CADM4: variants seen among roughly 807,000 people sequenced by gnomAD.
CADM4 encodes cell adhesion molecule 4, also known as TSLC1-like 2.
A neutral mutation model predicts 43.9 loss-of-function variants in CADM4; 13 were observed. The observed-to-expected ratio is 0.30, with a 90% CI of 0.19 to 0.47. The LOEUF (loss-of-function observed/expected upper bound fraction) is 0.47. Among genes scored for constraint, CADM4 ranks in the 20% least tolerant of loss-of-function variants. The probability of loss-of-function intolerance (pLI) is 1.00; values close to 1 mark genes in which losing one functional copy is unlikely to be tolerated. For missense variants in CADM4, 420 were observed against 527.0 expected, an observed-to-expected ratio of 0.80 and a Z score of 1.99; for synonymous variants, 209 against 220.9, an observed-to-expected ratio of 0.95 and a Z score of 0.48.
intron 1 of CADM4, among the ~76,000 whole-genome samples, chr19:43,636,405 C>G (rs962234450): frequency 5.9e-5 from 9 of 152,120 alleles, no homozygotes; most frequent in African/African-American, 1.9e-4. Flanking sequence ...CCTCCACGCC[C>G]AGTGCCCTCT....
At position 43,626,228 on chromosome 19, in the gene CADM4, C is replaced by A. The variant is rs149413551; in HGVS notation, c.560G>T (p.Arg187Leu). Residue 187 changes from arginine (R) to leucine (L), a missense_variant, in exon 5 of 9, where the codon CGT becomes CTT. Coordinates refer to ENST00000222374, the MANE Select transcript of CADM4 (RefSeq NM_145296.2). The surrounding 1 kb of genome is among the most constrained non-coding windows in gnomAD (Gnocchi z 5.9). Reference sequence around the variant, plus strand: ...ACCACCGTCGTCCTTACGGTCCACACGAAACCGTACTGTGCTTGCCACGCT... The same window carrying A: ...ACCACCGTCGTCCTTACGGTCCACAAGAAACCGTACTGTGCTTGCCACGCT... ...VWSVASTVRFRVDRKDDGGII... is the reference protein window; with the variant it reads ...VWSVASTVRFLVDRKDDGGII... 2.5e-6 allele frequency: 4 copies of A among 1,613,506 alleles called. No individual in the cohort carries two copies. The highest frequency in any genetic ancestry group is 1.1e-5 in the South Asian group (1 of 91,074).
In CADM4 at chr19:43,626,405, G is replaced by A. The variant is rs1973529168; in HGVS notation, c.500-117C>T. 3.1e-6 allele frequency: 4 copies of A among 1,286,786 alleles called. No homozygotes were observed. Among genetic ancestry groups the A allele is most frequent in the African/African-American group, 1.5e-5 (1 of 68,552 alleles). The allele number at this position is 1,286,786 out of a possible 1,614,324, so 79.7% of individuals were successfully genotyped here. ...GCTCCACCCCTTACCCACAGGCCCCGCCTCTTGTCCTCCAAGCTACGCCCC... is the reference window on the plus strand; with the variant it reads ...GCTCCACCCCTTACCCACAGGCCCCACCTCTTGTCCTCCAAGCTACGCCCC... On this transcript the variant is annotated intron_variant, in intron 4 of 8. Transcript: ENST00000222374. This position sits in a 1 kb window ranked among gnomAD's most constrained non-coding sequence, Gnocchi z 5.9.
At chr19:43,628,191 C>T (rs532366430) in intron 1 of CADM4, among the ~76,000 whole-genome samples, 7 of 150,668 alleles carry the variant, frequency 4.6e-5, no homozygotes, top group Non-Finnish European at 7.4e-5. Context: ...TTTGAGAGGC[C>T]GAGGTGGGCG....
chr19:43,640,692 GCCTCTCTC>G (rs759207669), upstream of CADM4, among the ~76,000 whole-genome samples: 20 of 152,052 alleles, frequency 1.3e-4, no homozygotes, highest in Middle Eastern at 6.8e-3. Flanking sequence ...CCCTGCCCCA[GCCTCTCTC>G]CCTCTCTCTG....
In CADM4 at chr19:43,625,849, C is replaced by T; in HGVS notation, c.755+62G>A. The T allele has an allele frequency of 1.4e-6, 2 of 1,407,696 alleles. No homozygotes were observed. The highest frequency in any genetic ancestry group is 2.0e-6 in the Non-Finnish European group (2 of 996,668). 87.2% of individuals were successfully genotyped at this position (1,407,696 alleles called of 1,614,324 possible). A position where few individuals can be genotyped will look rare whatever the true frequency, so the allele number is the denominator to read the frequency against. ...GGACCCAGGAGTCCAAGTCCCTGGT[C>T]CCTGTTCTTCCAGGTCCCCAGCTTT... On this transcript the variant is annotated intron_variant, in intron 6 of 8. Coordinates refer to ENST00000222374, the MANE Select transcript of CADM4 (RefSeq NM_145296.2). The surrounding 1 kb of genome is among the most constrained non-coding windows in gnomAD (Gnocchi z 4.5).
chr19:43,626,878 C>G lies in CADM4; in HGVS notation c.405G>C (p.Ala135=). The G allele has an allele frequency of 6.2e-7, 1 of 1,608,564 alleles. No individual in the cohort carries two copies. The highest frequency in any genetic ancestry group is 8.5e-7 in the Non-Finnish European group (1 of 1,178,560). ...TGAGCTCCACCTCGCCGCCCTCTAC[C>G]GCCTGCTCCCGGACCTCCACCACAG... ...ENPVVEVREQ[A]VEGGEVELSC... Residue 135 remains alanine, a synonymous_variant, in exon 4 of 9, where the codon GCG becomes GCC. Coordinates refer to ENST00000222374, the MANE Select transcript of CADM4 (RefSeq NM_145296.2). This position sits in a 1 kb window ranked among gnomAD's most constrained non-coding sequence, Gnocchi z 5.9.
intron 1 of CADM4, among the ~76,000 whole-genome samples, chr19:43,633,159 G>A (rs570104906): frequency 1.7e-4 from 26 of 150,248 alleles, no homozygotes; most frequent in African/African-American, 4.4e-4. Context: ...CTGCAGCCTC[G>A]AACTCCTGGG....
intron 7 of CADM4, chr19:43,624,779 G>C (rs1848155307): frequency 2.4e-6 from 1 of 424,068 alleles, no homozygotes; most frequent in South Asian, 2.9e-5. Context: ...CTGTGTGCTA[G>C]AGCCCATTCC....
chr19:43,639,948 G>C (rs1973754946), upstream of CADM4: 1 of 465,268 alleles, frequency 2.1e-6, no homozygotes, highest in African/African-American at 2.1e-5. Flanking sequence ...CGGAGGAGAG[G>C]CCCGGAGACA....
chr19:43,637,519 G>A (rs1373205513), intron 1 of CADM4, among the ~76,000 whole-genome samples: 1 of 152,126 alleles, frequency 6.6e-6, no homozygotes, highest in Non-Finnish European at 1.5e-5. Context: ...TCCCAGCTGA[G>A]AGCTCTTCCC....
chr19:43,639,883 C>T, upstream of CADM4: 1 of 954,374 alleles, frequency 1.0e-6, no homozygotes, highest in Non-Finnish European at 1.2e-6. Flanking sequence ...CGCCCCCTGC[C>T]CGCCCGGGGG....
chr19:43,640,447 G>C (rs987866390), upstream of CADM4, among the ~76,000 whole-genome samples: 5 of 151,800 alleles, frequency 3.3e-5, no homozygotes, highest in African/African-American at 1.2e-4. Context: ...GGTCGAGGCA[G>C]GTCAAGGATC....
chr19:43,626,006 T>C lies in CADM4; in HGVS notation c.665-5A>G, dbSNP rs1334526922. ...GAATCCGGGCCGTGGGGGAGTCTGT[T>C]AGGCAAAAGTAAGAGGAGAGAGTAG... On this transcript the variant is annotated splice_polypyrimidine_tract_variant and splice_region_variant and intron_variant, in intron 5 of 8. Coordinates refer to ENST00000222374, the MANE Select transcript of CADM4 (RefSeq NM_145296.2). This position sits in a 1 kb window ranked among gnomAD's most constrained non-coding sequence, Gnocchi z 5.9. The C allele has an allele frequency of 1.9e-6, 3 of 1,614,056 alleles. No homozygotes were observed. In the East Asian group the frequency reaches 6.7e-5, roughly 36 times the overall value.
At chr19:43,624,695 C>T (rs1973493853) in intron 7 of CADM4, 2 of 274,540 alleles carry the variant, frequency 7.3e-6, no homozygotes, top group Non-Finnish European at 6.9e-6. Context: ...GTCTAAAACG[C>T]TCCAAGTATT....
rs1459248593 is a variant in CADM4 at position 43,625,043 on chromosome 19, GC to G, written c.928+34del. On this transcript the variant is annotated intron_variant, in intron 7 of 8. Transcript: ENST00000222374. This position sits in a 1 kb window ranked among gnomAD's most constrained non-coding sequence, Gnocchi z 4.5. The stretch of plus-strand genomic sequence containing the variant: ...CCCCGCCCCCGCCACCTGGCGCCCC[GC>G]CCCCGCCCTCAGTCGGCCGCAGCCT... 15 of 186,722 alleles carry G rather than the reference GC, an allele frequency of 8.0e-5. No individual in the cohort carries two copies. Among genetic ancestry groups the G allele is most frequent in the Admixed American group, 1.2e-4 (1 of 8,112 alleles). The allele number at this position is 186,722 out of a possible 1,614,324, so 11.6% of individuals were successfully genotyped here.
At chr19:43,635,538 C>T (rs914736820) in intron 1 of CADM4, among the ~76,000 whole-genome samples, 35 of 151,486 alleles carry the variant, frequency 2.3e-4, no homozygotes, top group Admixed American at 2.2e-3. Context: ...CCCTCAAGAC[C>T]TAGGAGTGTG....
At chr19:43,636,180 T>C (rs1973701434) in intron 1 of CADM4, among the ~76,000 whole-genome samples, 1 of 152,060 alleles carries the variant, frequency 6.6e-6, no homozygotes, top group South Asian at 2.1e-4. Context: ...GACCTAGGCA[T>C]CAGGTGGGGG....
At chr19:43,639,577 C>A in intron 1 of CADM4, 150 bp downstream of exon 1, 1 of 427,020 alleles carries the variant, frequency 2.3e-6, no homozygotes, top group Non-Finnish European at 3.1e-6. Context: ...GCTCCCGGCT[C>A]CCGGCCCGCG....
Position 43,639,781 on chromosome 19 carries a change from C to A in CADM4, c.10G>T (p.Ala4Ser). 9.8e-7 allele frequency: 1 copy of A among 1,016,628 alleles called. No individual in the cohort carries two copies. 63.0% of individuals were successfully genotyped at this position (1,016,628 alleles called of 1,614,324 possible). A position where few individuals can be genotyped will look rare whatever the true frequency, so the allele number is the denominator to read the frequency against. The change falls in exon 1 of 9, where the codon GCC becomes TCC. Residue 4 changes from alanine (A) to serine (S), a missense_variant. By Grantham distance (99) the Ala-to-Ser change is moderately conservative (BLOSUM62 1). Transcript: ENST00000222374. ...AGCAGCGGCCACTGGAAGCGCCGGG[C>A]CCGGCCCATGGTGCCGCCGCCGCCG... The part of the protein sequence containing the change: MGR[A>S]RRFQWPLLLL...
Sources: gnomAD v4.1 joint callset for allele counts (sites outside exome capture counted in the v4.1 genomes callset) on GRCh38, gnomAD v4.1.1 for gene constraint, Gnocchi (gnomAD v3.1) non-coding constraint, MANE v1.5 for transcripts, NCBI Gene and HGNC (gene_info 2026-07-23, HGNC 2026-07-21) for gene names.